The following DPP6 variants were observed in gnomAD, a reference collection of about 807,000 sequenced individuals.
DPP6 encodes A-type potassium channel modulatory protein DPP6.
Under a neutral mutation model 122.6 loss-of-function variants are expected in DPP6, and 69 were observed. The observed-to-expected ratio is 0.56, with a 90% CI of 0.46 to 0.69. The LOEUF (loss-of-function observed/expected upper bound fraction) is 0.69, where lower values mean the gene tolerates loss of function less well. Among genes scored for constraint, DPP6 ranks in the 30% least tolerant of loss-of-function variants. DPP6 has a pLI of 0.00. For missense variants in DPP6, 928 were observed against 1,116.9 expected (o/e 0.83, Z 2.41); for synonymous variants, 418 against 433.1 (o/e 0.97, Z 0.43).
chr7:154,775,895 G>C (rs1055261582), intron 10 of DPP6, among the ~76,000 whole-genome samples: 1 of 152,064 alleles, frequency 6.6e-6, no homozygotes, highest in Non-Finnish European at 1.5e-5. Flanking sequence ...CCCCATCATG[G>C]TCCAGGGCAA....
chr7:154,113,671 T>C (rs959763483), intron 1 of DPP6, among the ~76,000 whole-genome samples: 3 of 152,174 alleles, frequency 2.0e-5, no homozygotes, highest in Non-Finnish European at 4.4e-5. Flanking sequence ...TGGGCCAATG[T>C]CATGAAGCAT....
At chr7:154,741,762 A>G (rs752787930) in intron 8 of DPP6, among the ~76,000 whole-genome samples, 8 of 152,030 alleles carry the variant, frequency 5.3e-5, no homozygotes, top group Non-Finnish European at 8.8e-5. Flanking sequence ...CACCACCCTC[A>G]TTATTATCCA....
At chr7:154,150,097 C>G (rs1438036917) in intron 1 of DPP6, among the ~76,000 whole-genome samples, 1 of 152,186 alleles carries the variant, frequency 6.6e-6, no homozygotes, top group Non-Finnish European at 1.5e-5. Context: ...GATTCTGATG[C>G]CTTATTATGA....
intron 1 of DPP6, among the ~76,000 whole-genome samples, chr7:154,340,381 G>A (rs2151058774): frequency 6.6e-6 from 1 of 152,286 alleles, no homozygotes; most frequent in African/African-American, 2.4e-5. Flanking sequence ...CAGCCTCACA[G>A]GTGTCCATTG....
chr7:154,766,359 C>G (rs948785183), intron 8 of DPP6, among the ~76,000 whole-genome samples: 1 of 152,136 alleles, frequency 6.6e-6, no homozygotes, highest in African/African-American at 2.4e-5. Flanking sequence ...ACTCTGTCAC[C>G]CAGGCTGGAG....
chr7:154,557,265 A>G (rs1053529551), intron 4 of DPP6, among the ~76,000 whole-genome samples: 12 of 152,154 alleles, frequency 7.9e-5, no homozygotes, highest in African/African-American at 2.7e-4. Context: ...ACACCTAACC[A>G]TGGCAGTGGT....
At chr7:154,566,055 A>C (rs1274328531) in intron 4 of DPP6, among the ~76,000 whole-genome samples, 1 of 152,192 alleles carries the variant, frequency 6.6e-6, no homozygotes, top group African/African-American at 2.4e-5. Flanking sequence ...AATTTGAAGG[A>C]AAAAGTCACA....
intron 3 of DPP6, among the ~76,000 whole-genome samples, chr7:154,532,256 A>G (rs1827894537): frequency 6.6e-6 from 1 of 152,180 alleles, no homozygotes; most frequent in Non-Finnish European, 1.5e-5. Flanking sequence ...TGGGCATATG[A>G]GACATTTGAG....
At chr7:154,033,173 G>T (rs958171504) in intron 1 of DPP6, among the ~76,000 whole-genome samples, 1 of 152,198 alleles carries the variant, frequency 6.6e-6, no homozygotes, top group African/African-American at 2.4e-5. Context: ...GAGTCCAGAG[G>T]TTCGGCCACC....
intron 1 of DPP6, among the ~76,000 whole-genome samples, chr7:154,226,458 C>T (rs867626138): frequency 1.3e-4 from 20 of 152,192 alleles, no homozygotes; most frequent in South Asian, 4.1e-4. Context: ...AGGGGAGCAT[C>T]AGTGCCCATC....
intron 12 of DPP6, among the ~76,000 whole-genome samples, chr7:154,798,706 G>A (rs1421889332): frequency 6.6e-6 from 1 of 152,242 alleles, no homozygotes; most frequent in Admixed American, 6.5e-5. Context: ...GACCCTACAG[G>A]TTGTGAGTCT....
chr7:153,910,376 C>T (rs935679706), intron 1 of DPP6, among the ~76,000 whole-genome samples: 3 of 151,928 alleles, frequency 2.0e-5, no homozygotes, highest in South Asian at 2.1e-4. Flanking sequence ...ACTATAGGCA[C>T]GAGCCCACAC....
the DPP6 span, among the ~76,000 whole-genome samples, chr7:153,748,831 GC>G: frequency 4.3e-5 from 6 of 138,988 alleles, no homozygotes; most frequent in Admixed American, 2.2e-4. Context: ...CCCAGACTCG[GC>G]TGCAGAAGGA....
chr7:154,329,551 T>C (rs921913123), intron 1 of DPP6, among the ~76,000 whole-genome samples: 2 of 152,172 alleles, frequency 1.3e-5, no homozygotes, highest in Non-Finnish European at 2.9e-5. Flanking sequence ...CTGGAGAGGA[T>C]GTGGAGAAAT....
rs1834169417 is a variant in DPP6, at chr7:154,615,320, A to G, written c.628-22501A>G. Reference sequence around the variant, plus strand: ...ACGTGCAATTCCTGATAGTGAAATAACTCTGGAGCCCATGAACTCATGCTT... The same window carrying G: ...ACGTGCAATTCCTGATAGTGAAATAGCTCTGGAGCCCATGAACTCATGCTT... On this transcript the variant is annotated intron_variant, in intron 5 of 25. Coordinates refer to ENST00000377770, the MANE Select transcript of DPP6 (RefSeq NM_130797.4). 2.0e-5 allele frequency among the ~76,000 whole-genome samples: 3 copies of G among 152,032 alleles called. No homozygotes were observed. In the South Asian group the frequency reaches 6.2e-4, roughly 32 times the overall value.
intron 1 of DPP6, among the ~76,000 whole-genome samples, chr7:153,897,153 A>G (rs1399396453): frequency 6.6e-6 from 1 of 152,146 alleles, no homozygotes; most frequent in Admixed American, 6.5e-5. Flanking sequence ...TTCTTTTTTT[A>G]TGGTTGAAAG....
intron 16 of DPP6, among the ~76,000 whole-genome samples, chr7:154,837,214 A>G: frequency 6.7e-6 from 1 of 149,656 alleles, no homozygotes; most frequent in South Asian, 2.1e-4. Flanking sequence ...TCACACATGC[A>G]CACACATGCA....
intron 8 of DPP6, among the ~76,000 whole-genome samples, chr7:154,737,809 C>T (rs1842638754): frequency 6.6e-6 from 1 of 152,228 alleles, no homozygotes; most frequent in East Asian, 1.9e-4. Context: ...AGGTGTGTCT[C>T]ATGGCACAGA....
chr7:154,650,168 T>A lies in DPP6; in HGVS notation c.680+12295T>A, dbSNP rs186223688. ...GACACCCATCTCTACAAAAATACAATTAAAAAATTAGTCGGATATGGTGGC... is the reference window on the plus strand; with the variant it reads ...GACACCCATCTCTACAAAAATACAAATAAAAAATTAGTCGGATATGGTGGC... On this transcript the variant is annotated intron_variant, in intron 6 of 25. Transcript: ENST00000377770. 1.2e-3 allele frequency among the ~76,000 whole-genome samples: 183 copies of A among 151,908 alleles called. 2 individuals carry two copies. Among genetic ancestry groups the A allele is most frequent in the African/African-American group, 4.2e-3 (175 of 41,410 alleles).
Sources: gnomAD v4.1 joint callset for allele counts (sites outside exome capture counted in the v4.1 genomes callset) on GRCh38, gnomAD v4.1.1 for gene constraint, MANE v1.5 for transcripts, NCBI Gene and HGNC (gene_info 2026-07-23, HGNC 2026-07-21) for gene names.